Variants in GABPB1 observed in about 807,000 individuals in gnomAD.
GABPB1 encodes GA-binding protein subunit beta-1.
GABPB1 carries 15 observed loss-of-function variants against 45.9 expected under a neutral mutation model. The ratio of observed to expected loss-of-function variants is 0.33; its 90% confidence interval spans 0.22 to 0.50. The LOEUF (loss-of-function observed/expected upper bound fraction) is 0.50. Ranked by LOEUF, GABPB1 falls within the 20% of genes least tolerant of loss-of-function variation. The pLI, the probability that GABPB1 is intolerant of heterozygous loss-of-function variation, is 0.98. For missense variants in GABPB1, 252 were observed against 457.5 expected (o/e 0.55, Z 4.10); for synonymous variants, 143 against 154.4 (o/e 0.93, Z 0.55).
intron 6 of GABPB1, among the ~76,000 whole-genome samples, chr15:50,296,905 C>CTTTTTTT (rs72486745): frequency 1.8e-4 from 16 of 91,378 alleles, no homozygotes; most frequent in Non-Finnish European, 2.4e-4. Context: ...TAACTTAATT[C>CTTTTTTT]TTTTTTTTTT....
chr15:50,297,454 C>A (rs577063652), intron 6 of GABPB1, among the ~76,000 whole-genome samples: 71 of 152,026 alleles, frequency 4.7e-4, no homozygotes, highest in African/African-American at 1.7e-3. Flanking sequence ...GACCTCGTAA[C>A]CTGCCCACCT....
intron 1 of GABPB1, among the ~76,000 whole-genome samples, chr15:50,337,847 G>GA (rs2048202619): frequency 6.6e-6 from 1 of 152,018 alleles, no homozygotes; most frequent in Non-Finnish European, 1.5e-5. Flanking sequence ...CTTAAATCCA[G>GA]AAAAAAACTA....
chr15:50,350,512 T>C (rs1487071039), intron 1 of GABPB1: 1 of 151,616 alleles, frequency 6.6e-6, no homozygotes, highest in Non-Finnish European at 1.5e-5. Flanking sequence ...CTTCATTAAA[T>C]AGCCTTCTCA....
At chr15:50,349,860 GAA>G (rs2048756015) in intron 1 of GABPB1, 2 of 152,120 alleles carry the variant, frequency 1.3e-5, no homozygotes, top group African/African-American at 4.8e-5. Context: ...GTAGAAGTTA[GAA>G]AATTTGGATA....
Position 50,341,488 on chromosome 15 carries a change from G to A in GABPB1, c.-1+13497C>T, listed in dbSNP as rs1162198596. On this transcript the variant is annotated intron_variant, in intron 1 of 8. Transcript: ENST00000380877. ...GTGAAGGTTGCAGTGAGCCGAGATCGCGCCATTGCACTCCAGCCTGGGCAA... is the reference window on the plus strand; with the variant it reads ...GTGAAGGTTGCAGTGAGCCGAGATCACGCCATTGCACTCCAGCCTGGGCAA... 2.6e-5 allele frequency among the ~76,000 whole-genome samples: 4 copies of A among 151,926 alleles called. No individual in the cohort carries two copies. In the South Asian group the frequency reaches 6.2e-4, roughly 24 times the overall value.
rs778242078 is a variant in GABPB1, at chr15:50,286,107, G to A, written c.960C>T (p.Ile320=). 14 of 1,611,692 alleles carry A rather than the reference G, an allele frequency of 8.7e-6. No individual in the cohort carries two copies. The highest frequency in any genetic ancestry group is 3.3e-5 in the Admixed American group (2 of 59,738). Residue 320 remains isoleucine (I), a synonymous_variant, in exon 8 of 9, where the codon ATC becomes ATT. Transcript: ENST00000380877. Reference sequence around the variant, plus strand: ...ATTCCACCCGGTTTTCAATTATTTCGATACATTGTCTCTTAGCTGGTGGTT... The same window carrying A: ...ATTCCACCCGGTTTTCAATTATTTCAATACATTGTCTCTTAGCTGGTGGTT... ...SEEPPAKRQC[I]EIIENRVESA... is the part of the protein sequence containing the mutation.
chr15:50,351,533 C>T (rs1485108105), intron 1 of GABPB1: 1 of 152,142 alleles, frequency 6.6e-6, no homozygotes, highest in Non-Finnish European at 1.5e-5. Context: ...GAAGTATAAT[C>T]GCACCACTGC....
Position 50,303,256 on chromosome 15 carries a change from T to C in GABPB1, c.277-133A>G, listed in dbSNP as rs947409514. 20 of 729,762 alleles carry C rather than the reference T, an allele frequency of 2.7e-5. No individual in the cohort carries two copies. In the East Asian group the frequency reaches 5.0e-4, roughly 18 times the overall value. 45.2% of individuals were successfully genotyped at this position (729,762 alleles called of 1,614,324 possible). On this transcript the variant is annotated intron_variant, in intron 3 of 8. Transcript: ENST00000380877. ...CAATTATTTATATGTATATGTTAAATAGATGTTCCAGGCCAGGTGCAGTGG... is the reference window on the plus strand; with the variant it reads ...CAATTATTTATATGTATATGTTAAACAGATGTTCCAGGCCAGGTGCAGTGG...
intron 8 of GABPB1, among the ~76,000 whole-genome samples, chr15:50,285,414 T>G (rs1001369589): frequency 9.2e-5 from 14 of 152,262 alleles, no homozygotes; most frequent in African/African-American, 3.1e-4. Flanking sequence ...CAAGTATAAC[T>G]TTGTTTTCAT....
chr15:50,328,390 C>T (rs1595815235), intron 1 of GABPB1, among the ~76,000 whole-genome samples: 2 of 152,118 alleles, frequency 1.3e-5, no homozygotes, highest in Admixed American at 1.3e-4. Flanking sequence ...AAAGAATGGT[C>T]GGTTCATCTG....
chr15:50,313,196 A>G (rs573647642), intron 1 of GABPB1, among the ~76,000 whole-genome samples: 21 of 152,208 alleles, frequency 1.4e-4, no homozygotes, highest in Non-Finnish European at 2.8e-4. Context: ...CAAGGACCCA[A>G]CACATCAATA....
chr15:50,336,854 G>C (rs1033251991), intron 1 of GABPB1, among the ~76,000 whole-genome samples: 1 of 150,528 alleles, frequency 6.6e-6, no homozygotes, highest in African/African-American at 2.4e-5. Flanking sequence ...ACATGACTGA[G>C]AGGATGAGGC....
intron 1 of GABPB1, among the ~76,000 whole-genome samples, chr15:50,344,394 T>C (rs950991018): frequency 6.6e-6 from 1 of 152,232 alleles, no homozygotes; most frequent in Non-Finnish European, 1.5e-5. Context: ...CAATAGCACA[T>C]GTTCTCTCCT....
intron 1 of GABPB1, among the ~76,000 whole-genome samples, chr15:50,330,186 G>A (rs1019292216): frequency 6.6e-6 from 1 of 152,026 alleles, no homozygotes; most frequent in African/African-American, 2.4e-5. Flanking sequence ...TTACAGGCAT[G>A]AGTCACCATG....
intron 1 of GABPB1, among the ~76,000 whole-genome samples, chr15:50,322,527 C>T (rs2047610941): frequency 6.6e-6 from 1 of 151,694 alleles, no homozygotes; most frequent in African/African-American, 2.4e-5. Context: ...GCTTGGGTGA[C>T]AGAGCAAGAC....
At chr15:50,349,848 T>C (rs1261075363) in intron 1 of GABPB1, 5 of 152,242 alleles carry the variant, frequency 3.3e-5, no homozygotes, top group Non-Finnish European at 5.9e-5. Context: ...TTTATATTCA[T>C]TGTAGAAGTT....
Position 50,300,873 on chromosome 15 carries a change from C to G in GABPB1, c.613G>C (p.Gly205Arg). The G allele has an allele frequency of 1.2e-6, 2 of 1,609,974 alleles. No homozygotes were observed. Among genetic ancestry groups the G allele is most frequent in the Non-Finnish European group, 1.7e-6 (2 of 1,176,558 alleles). ...GCTAATACTGATGTAGAAGAGTTTC[C>G]AAACTGAACAGCAGATACACCCGTT... ...DETGVSAVQF[G>R]NSSTSVLATL... Residue 205 changes from glycine (G) to arginine (R), a missense_variant, in exon 6 of 9, where the codon GGA (glycine) becomes CGA (arginine). This residue lies in a region of GABPB1 where 193 missense variants were observed against 259.9 expected (regional missense o/e 0.74). Transcript: ENST00000380877.
At chr15:50,348,808 G>A (rs1366473438) in intron 1 of GABPB1, 1 of 152,080 alleles carries the variant, frequency 6.6e-6, no homozygotes, top group African/African-American at 2.4e-5. Context: ...ATTGCACTGA[G>A]CTAAGATCGT....
At chr15:50,352,874 TTAAGTA>T (rs1366543314) in intron 1 of GABPB1, 3 of 152,176 alleles carry the variant, frequency 2.0e-5, no homozygotes, top group Non-Finnish European at 4.4e-5. Context: ...CATTAATCAA[TTAAGTA>T]TAATTGTCTC....
Sources: gnomAD v4.1 joint callset for allele counts (sites outside exome capture counted in the v4.1 genomes callset) on GRCh38, gnomAD v4.1.1 for gene constraint, gnomAD v4.1.1 regional missense constraint, MANE v1.5 for transcripts, NCBI Gene and HGNC (gene_info 2026-07-23, HGNC 2026-07-21) for gene names.